Variants in NBAS observed in about 807,000 individuals in gnomAD.
NBAS encodes the protein NBAS subunit of NRZ tethering complex, also known as NAG/BC035112 fusion.
Under a neutral mutation model 302.5 loss-of-function variants are expected in NBAS, and 219 were observed. That is an observed-to-expected ratio of 0.72 (90% CI 0.65 to 0.81). The LOEUF (loss-of-function observed/expected upper bound fraction) is 0.81. Ranked by LOEUF, NBAS falls within the 30% of genes least tolerant of loss-of-function variation. The pLI is 0.00. For synonymous variants in NBAS, 1,118 were observed against 1,021.6 expected, an observed-to-expected ratio of 1.09 and a Z score of -1.80; for missense variants, 2,932 against 2,841.6, an observed-to-expected ratio of 1.03 and a Z score of -0.72.
the NBAS span, among the ~76,000 whole-genome samples, chr2:15,151,619 T>C: frequency 6.6e-6 from 1 of 152,214 alleles, no homozygotes. Flanking sequence ...TAACTTATAA[T>C]AGAAAAATAG....
chr2:15,279,924 A>G (rs1391742415), intron 42 of NBAS, among the ~76,000 whole-genome samples: 2 of 152,202 alleles, frequency 1.3e-5, no homozygotes, highest in African/African-American at 2.4e-5. Context: ...AAGAACCCAT[A>G]TTCAAGAGAG....
At chr2:15,218,303 T>C (rs1275368142) in intron 48 of NBAS, among the ~76,000 whole-genome samples, 1 of 151,518 alleles carries the variant, frequency 6.6e-6, no homozygotes, top group African/African-American at 2.4e-5. Context: ...AAAATAAATT[T>C]CGTTGTACAT....
At chr2:15,339,712 A>G (rs1672758932) in intron 35 of NBAS, among the ~76,000 whole-genome samples, 1 of 152,222 alleles carries the variant, frequency 6.6e-6, no homozygotes, top group African/African-American at 2.4e-5. Context: ...AAAGAAAAAT[A>G]AAGCGGTGTG....
chr2:14,850,040 C>G, the NBAS span, among the ~76,000 whole-genome samples: 1 of 138,080 alleles, frequency 7.2e-6, no homozygotes, highest in Non-Finnish European at 1.5e-5. Flanking sequence ...AAATAACCAG[C>G]TAACATCATA....
At chr2:14,898,054 C>T in the NBAS span, among the ~76,000 whole-genome samples, 1 of 152,194 alleles carries the variant, frequency 6.6e-6, no homozygotes, top group Non-Finnish European at 1.5e-5. Context: ...GGTTTAGAAT[C>T]AGAAGAACCT....
At chr2:15,305,719 TTACAGGCA>T (rs1671007272) in intron 40 of NBAS, among the ~76,000 whole-genome samples, 3 of 152,182 alleles carry the variant, frequency 2.0e-5, no homozygotes, top group African/African-American at 7.2e-5. Flanking sequence ...AGTGTTGTGA[TTACAGGCA>T]TGAGCCACTG....
chr2:15,521,019 T>A (rs1005649912), intron 9 of NBAS, among the ~76,000 whole-genome samples: 1 of 152,266 alleles, frequency 6.6e-6, no homozygotes, highest in South Asian at 2.1e-4. Flanking sequence ...AAAGTTAATT[T>A]CATCTATTAT....
chr2:14,875,371 G>T, the NBAS span, among the ~76,000 whole-genome samples: 1 of 152,120 alleles, frequency 6.6e-6, no homozygotes, highest in Non-Finnish European at 1.5e-5. Flanking sequence ...TGTAATCCCA[G>T]CATTTTGGGA....
Position 15,166,985 on chromosome 2 carries a change from T to A in NBAS, c.*63A>T. On this transcript the variant is annotated 3_prime_UTR_variant, in exon 52 of 52. Transcript: ENST00000281513. ...AACAATCGGCAGATACACATGTTGC[T>A]TCTGGGAACAGCATTCAACTCCAGA... The A allele has an allele frequency of 6.7e-7, 1 of 1,494,464 alleles. No individual in the cohort carries two copies. The highest frequency in any genetic ancestry group is 8.9e-7 in the Non-Finnish European group (1 of 1,119,026). 92.6% of individuals were successfully genotyped at this position (1,494,464 alleles called of 1,614,324 possible).
At chr2:15,087,118 T>C in the NBAS span, among the ~76,000 whole-genome samples, 1 of 151,920 alleles carries the variant, frequency 6.6e-6, no homozygotes, top group Non-Finnish European at 1.5e-5. Context: ...CTGCCAGCCT[T>C]TGGACTAGAA....
chr2:15,426,131 T>C (rs1386441137), intron 22 of NBAS, among the ~76,000 whole-genome samples: 4 of 152,226 alleles, frequency 2.6e-5, no homozygotes, highest in African/African-American at 7.2e-5. Context: ...ACTTCATATC[T>C]GACTAGTGAT....
intron 11 of NBAS, among the ~76,000 whole-genome samples, chr2:15,490,359 C>A (rs1402200449): frequency 6.6e-6 from 1 of 152,066 alleles, no homozygotes; most frequent in African/African-American, 2.4e-5. Flanking sequence ...ATTACTTTAA[C>A]TAGATATAAC....
chr2:15,486,838 C>CA (rs1264267537), intron 12 of NBAS, among the ~76,000 whole-genome samples: 23 of 129,766 alleles, frequency 1.8e-4, no homozygotes, highest in Admixed American at 2.4e-4. Context: ...AACTAATGAC[C>CA]AAAAAAAAAA....
At chr2:15,487,946 A>C (rs978735340) in intron 12 of NBAS, among the ~76,000 whole-genome samples, 2 of 152,214 alleles carry the variant, frequency 1.3e-5, no homozygotes, top group African/African-American at 2.4e-5. Flanking sequence ...ATAAGACAAA[A>C]AAATAAGAAT....
At chr2:15,096,896 A>T in the NBAS span, among the ~76,000 whole-genome samples, 213 of 152,366 alleles carry the variant, frequency 1.4e-3, 3 homozygotes, top group African/African-American at 4.5e-3. Context: ...GAGAAAGTTT[A>T]TGCAAGAGAG....
chr2:15,336,313 G>A (rs1672582297), intron 35 of NBAS, among the ~76,000 whole-genome samples: 1 of 152,136 alleles, frequency 6.6e-6, no homozygotes, highest in Admixed American at 6.6e-5. Flanking sequence ...TTCAAGATCA[G>A]AGACACTATT....
At chr2:15,182,504 T>TTAAG (rs1464234222) in intron 50 of NBAS, among the ~76,000 whole-genome samples, 2 of 152,334 alleles carry the variant, frequency 1.3e-5, no homozygotes, top group African/African-American at 4.8e-5. Context: ...CTGGGAATTA[T>TTAAG]TAAGGCTCAC....
At chr2:15,223,152 T>G (rs1365921338) in intron 47 of NBAS, among the ~76,000 whole-genome samples, 5 of 152,184 alleles carry the variant, frequency 3.3e-5, no homozygotes, top group Admixed American at 1.3e-4. Flanking sequence ...CTCCTGAAGA[T>G]TTTAGCTTCA....
chr2:15,370,551 C>A (rs1441682472), intron 31 of NBAS, among the ~76,000 whole-genome samples: 1 of 152,232 alleles, frequency 6.6e-6, no homozygotes, highest in Non-Finnish European at 1.5e-5. Flanking sequence ...CCCACCTCAG[C>A]CTCCCAAAGT....
Sources: gnomAD v4.1 joint callset for allele counts (sites outside exome capture counted in the v4.1 genomes callset) on GRCh38, gnomAD v4.1.1 for gene constraint, MANE v1.5 for transcripts, NCBI Gene and HGNC (gene_info 2026-07-23, HGNC 2026-07-21) for gene names.